Variants in GRAMD1B observed in about 807,000 individuals in gnomAD.
The protein encoded by GRAMD1B is protein Aster-B.
Under a neutral mutation model 99.7 loss-of-function variants are expected in GRAMD1B, and 37 were observed. The observed-to-expected ratio is 0.37, with a 90% CI of 0.29 to 0.49. The LOEUF (loss-of-function observed/expected upper bound fraction) is 0.49. GRAMD1B is among the 20% of genes least tolerant of loss of function. The pLI is 0.98. For missense variants in GRAMD1B, 888 were observed against 1,009.2 expected (o/e 0.88, Z 1.63); for synonymous variants, 427 against 387.6 (o/e 1.10, Z -1.19).
intron 1 of GRAMD1B, among the ~76,000 whole-genome samples, chr11:123,467,829 C>CCTTCCTTCCTTCCTT: frequency 1.1e-5 from 1 of 95,036 alleles, no homozygotes; most frequent in Non-Finnish European, 2.1e-5. Flanking sequence ...TTCCCTCCCT[C>CCTTCCTTCCTTCCTT]CCTCCCTCCC....
At chr11:123,464,053 A>G (rs944133727) in intron 1 of GRAMD1B, among the ~76,000 whole-genome samples, 6 of 152,102 alleles carry the variant, frequency 3.9e-5, no homozygotes, top group Non-Finnish European at 7.4e-5. Flanking sequence ...CTGTAATCCC[A>G]GCACTTTGGG....
intron 1 of GRAMD1B, among the ~76,000 whole-genome samples, chr11:123,418,484 A>G (rs1185271221): frequency 1.3e-5 from 2 of 152,154 alleles, no homozygotes; most frequent in African/African-American, 4.8e-5. Flanking sequence ...TCCTTCATTT[A>G]ATTGCTCCCC....
intron 1 of GRAMD1B, among the ~76,000 whole-genome samples, chr11:123,372,074 A>G (rs1946546502): frequency 1.3e-5 from 2 of 152,186 alleles, no homozygotes. Context: ...AAGGTTTTCA[A>G]ATGTCCTTTC....
intron 1 of GRAMD1B, among the ~76,000 whole-genome samples, chr11:123,395,883 T>G (rs1218972748): frequency 6.6e-6 from 1 of 152,224 alleles, no homozygotes; most frequent in Non-Finnish European, 1.5e-5. Context: ...TAGGATCTCC[T>G]TTTAAAAATA....
intron 1 of GRAMD1B, among the ~76,000 whole-genome samples, chr11:123,449,284 C>G (rs989844820): frequency 6.6e-6 from 1 of 152,168 alleles, no homozygotes; most frequent in African/African-American, 2.4e-5. Flanking sequence ...TTGTTTTATT[C>G]AGTGCCTGCT....
At chr11:123,485,254 T>C (rs1284125039) in intron 2 of GRAMD1B, among the ~76,000 whole-genome samples, 2 of 152,244 alleles carry the variant, frequency 1.3e-5, no homozygotes, top group Non-Finnish European at 2.9e-5. Context: ...ATTTCTTCTA[T>C]TTTAAAGATT....
chr11:123,403,448 G>GATAATAATA (rs371716819), intron 1 of GRAMD1B, among the ~76,000 whole-genome samples: 2 of 139,178 alleles, frequency 1.4e-5, no homozygotes, highest in Non-Finnish European at 3.1e-5. Context: ...TGATGATGAT[G>GATAATAATA]ATAATAATAA....
upstream of GRAMD1B, among the ~76,000 whole-genome samples, chr11:123,426,854 T>C (rs1948671077): frequency 6.6e-6 from 1 of 152,208 alleles, no homozygotes; most frequent in Non-Finnish European, 1.5e-5. Context: ...GGAAATTGAA[T>C]AATAATAGTA....
intron 1 of GRAMD1B, among the ~76,000 whole-genome samples, chr11:123,476,120 T>C (rs182746212): frequency 5.6e-4 from 85 of 152,156 alleles, no homozygotes; most frequent in Admixed American, 5.5e-3. Context: ...TTTTTTTTTT[T>C]TTGAGACGGA....
chr11:123,615,045 T>C (rs559981465), intron 17 of GRAMD1B, among the ~76,000 whole-genome samples: 16 of 152,380 alleles, frequency 1.1e-4, no homozygotes, highest in Admixed American at 9.8e-4. Flanking sequence ...ATTTACTGTA[T>C]GCTAGGCCTT....
intron 2 of GRAMD1B, 137 bp downstream of exon 2, chr11:123,481,030 G>A (rs1444290709): frequency 2.5e-6 from 1 of 396,060 alleles, no homozygotes; most frequent in Non-Finnish European, 4.4e-6. Flanking sequence ...TGAGACCTCT[G>A]TGCTTGACTG....
At chr11:123,583,367 GTGTGCA>G (rs1225374498) in intron 3 of GRAMD1B, among the ~76,000 whole-genome samples, 1 of 147,170 alleles carries the variant, frequency 6.8e-6, no homozygotes, top group Non-Finnish European at 1.5e-5. Flanking sequence ...GTGTATGTGT[GTGTGCA>G]CGTGTGTGGT....
intron 1 of GRAMD1B, among the ~76,000 whole-genome samples, chr11:123,411,409 C>T (rs536252823): frequency 6.6e-6 from 1 of 152,224 alleles, no homozygotes; most frequent in African/African-American, 2.4e-5. Context: ...ATATCTGCAA[C>T]AGATAGCTAA....
chr11:123,620,712 C>A (rs1955023546), intron 19 of GRAMD1B, among the ~76,000 whole-genome samples: 1 of 152,172 alleles, frequency 6.6e-6, no homozygotes, highest in African/African-American at 2.4e-5. Context: ...GGCCTTCAGA[C>A]ACCCAGGCCA....
chr11:123,580,520 G>A (rs1036793475), intron 3 of GRAMD1B, among the ~76,000 whole-genome samples: 5 of 152,178 alleles, frequency 3.3e-5, no homozygotes, highest in Non-Finnish European at 5.9e-5. Context: ...CCTGGGGTCA[G>A]GTCCCATGCA....
At chr11:123,551,094 A>G (rs1323758609) in intron 2 of GRAMD1B, among the ~76,000 whole-genome samples, 1 of 152,214 alleles carries the variant, frequency 6.6e-6, no homozygotes, top group East Asian at 1.9e-4. Context: ...GAGAAGTTCA[A>G]CTCTCACGCA....
chr11:123,463,623 T>A (rs931197864), intron 1 of GRAMD1B, among the ~76,000 whole-genome samples: 1 of 152,194 alleles, frequency 6.6e-6, no homozygotes, highest in East Asian at 1.9e-4. Context: ...TCATTAGTCC[T>A]ATGGCTCAAA....
In GRAMD1B at chr11:123,393,667, C is replaced by T. The variant is rs115510217; in HGVS notation, c.-176+34868C>T. ...ATGATCTGAGAGATTGAGAAAGCCA[C>T]GGTGGTTTTTGTTTGTTTTGTTTAT... On this transcript the variant is annotated intron_variant, in intron 1 of 20. Transcript: ENST00000638157. Among the ~76,000 whole-genome samples the T allele has an allele frequency of 8.9e-3, 1,348 of 152,270 alleles. 18 individuals are homozygous for T. The highest frequency in any genetic ancestry group is 0.031 in the African/African-American group (1,291 of 41,538).
intron 1 of GRAMD1B, among the ~76,000 whole-genome samples, chr11:123,363,854 G>T (rs1487377912): frequency 6.6e-6 from 1 of 152,136 alleles, no homozygotes; most frequent in Admixed American, 6.6e-5. Flanking sequence ...TATTTTATTG[G>T]CTTAGACACG....
Sources: gnomAD v4.1 joint callset for allele counts (sites outside exome capture counted in the v4.1 genomes callset) on GRCh38, gnomAD v4.1.1 for gene constraint, MANE v1.5 for transcripts, NCBI Gene and HGNC (gene_info 2026-07-23, HGNC 2026-07-21) for gene names.